The following MYB variants were observed in gnomAD, a reference collection of about 807,000 sequenced individuals.
The protein encoded by MYB is MYB proto-oncogene, transcription factor.
A neutral mutation model predicts 92.9 loss-of-function variants in MYB; 28 were observed. That is an observed-to-expected ratio of 0.30 (90% CI 0.22 to 0.41). The LOEUF is 0.41. Ranked by LOEUF, MYB falls within the 10% of genes least tolerant of loss-of-function variation. The pLI is 1.00. For synonymous variants in MYB, 295 were observed against 329.1 expected, an observed-to-expected ratio of 0.90 and a Z score of 1.12; for missense variants, 679 against 929.3, an observed-to-expected ratio of 0.73 and a Z score of 3.50.
chr6:135,197,567 G>A (rs978106055), intron 10 of MYB, among the ~76,000 whole-genome samples: 1 of 152,144 alleles, frequency 6.6e-6, no homozygotes. Context: ...AAAGATAGTT[G>A]CATGAAACGT....
chr6:135,218,070 G>A lies in MYB; in HGVS notation c.*90G>A. 1 of 1,003,190 alleles carries A rather than the reference G, an allele frequency of 1.0e-6. No individual in the cohort carries two copies. The highest frequency in any genetic ancestry group is 1.6e-6 in the Non-Finnish European group (1 of 632,802). 62.1% of individuals were successfully genotyped at this position (1,003,190 alleles called of 1,614,324 possible). A position where few individuals can be genotyped will look rare whatever the true frequency, so the allele number is the denominator to read the frequency against. On this transcript the variant is annotated 3_prime_UTR_variant, in exon 16 of 16. Transcript: ENST00000341911. The stretch of plus-strand genomic sequence containing the variant: ...TCAACATGAAACTTTTCATGAATGG[G>A]AGAAGAACCTATTTTTGTTGTGGTA...
Position 135,200,130 on chromosome 6 carries a change from A to G in MYB, c.1755A>G (p.Pro585=), listed in dbSNP as rs1189472738. 2 of 1,614,170 alleles carry G rather than the reference A, an allele frequency of 1.2e-6. No homozygotes were observed. Among genetic ancestry groups the G allele is most frequent in the Non-Finnish European group, 1.7e-6 (2 of 1,180,022 alleles). ...AAAGGTCAATCTTAGAAAGCTCTCC[A>G]AGAACTCCTACACCATTCAAACATG... ...AIKRSILESS[P]RTPTPFKHAL... is the part of the protein sequence containing the mutation. Residue 585 remains proline, a synonymous_variant, in exon 12 of 16, where the codon CCA becomes CCG. Transcript: ENST00000341911.
intron 15 of MYB, among the ~76,000 whole-genome samples, chr6:135,205,801 G>A (rs979616128): frequency 6.6e-6 from 1 of 152,206 alleles, no homozygotes; most frequent in African/African-American, 2.4e-5. Flanking sequence ...CAGGCTCAGT[G>A]GCTCATGCCT....
At chr6:135,197,874 T>G (rs998277503) in intron 10 of MYB, among the ~76,000 whole-genome samples, 43 of 152,346 alleles carry the variant, frequency 2.8e-4, no homozygotes, top group African/African-American at 9.9e-4. Flanking sequence ...AATTTCAGTT[T>G]CTCAACATTG....
At chr6:135,192,225 C>A in intron 5 of MYB, 99 bp from the exon 6 acceptor site, 1 of 959,304 alleles carries the variant, frequency 1.0e-6, no homozygotes, top group East Asian at 2.5e-5. Flanking sequence ...CTAATAGGCC[C>A]AAGGGAAAGG....
Position 135,181,570 on chromosome 6 carries a change from G to T in MYB, c.23+34G>T. The T allele has an allele frequency of 6.2e-6, 7 of 1,121,742 alleles. No individual in the cohort carries two copies. The allele number at this position is 1,121,742 out of a possible 1,614,324, so 69.5% of individuals were successfully genotyped here. A position where few individuals can be genotyped will look rare whatever the true frequency, so the allele number is the denominator to read the frequency against. The stretch of plus-strand genomic sequence containing the variant: ...GAGCCGGGCGGGCGGCCGAGGGCGG[G>T]GGCGCGCGGGGGCGCGCGGGGCGCC... On this transcript the variant is annotated intron_variant, in intron 1 of 15. Transcript: ENST00000341911. This position sits in a 1 kb window ranked among gnomAD's most constrained non-coding sequence, Gnocchi z 5.3.
intron 10 of MYB, among the ~76,000 whole-genome samples, chr6:135,198,646 T>A (rs939050646): frequency 6.6e-6 from 1 of 152,230 alleles, no homozygotes; most frequent in African/African-American, 2.4e-5. Context: ...ACAAGTGTCA[T>A]TTATTGAGAG....
chr6:135,207,064 A>G (rs1236984840), intron 15 of MYB, among the ~76,000 whole-genome samples: 1 of 152,200 alleles, frequency 6.6e-6, no homozygotes, highest in Non-Finnish European at 1.5e-5. Context: ...GCTATTTCAT[A>G]TATTTCTATT....
chr6:135,207,206 T>C (rs959533484), intron 15 of MYB, among the ~76,000 whole-genome samples: 14 of 152,236 alleles, frequency 9.2e-5, no homozygotes, highest in Admixed American at 7.8e-4. Flanking sequence ...AATTTGTACT[T>C]ATAATAAATC....
At chr6:135,186,535 A>G (rs989015263) in intron 2 of MYB, among the ~76,000 whole-genome samples, 1 of 152,358 alleles carries the variant, frequency 6.6e-6, no homozygotes, top group Non-Finnish European at 1.5e-5. Context: ...TAGGATATTA[A>G]TAAATGTTCT....
At chr6:135,209,926 T>A (rs1779482339) in intron 15 of MYB, among the ~76,000 whole-genome samples, 1 of 152,180 alleles carries the variant, frequency 6.6e-6, no homozygotes, top group Admixed American at 6.5e-5. Context: ...TATAAAATGG[T>A]CACAAATGAG....
intron 6 of MYB, among the ~76,000 whole-genome samples, chr6:135,193,265 T>C (rs1212555481): frequency 6.6e-6 from 1 of 152,152 alleles, no homozygotes; most frequent in Non-Finnish European, 1.5e-5. Context: ...ATCTTAAGAA[T>C]AACAATATTA....
At chr6:135,212,781 A>G (rs1779924665) in intron 15 of MYB, among the ~76,000 whole-genome samples, 1 of 152,228 alleles carries the variant, frequency 6.6e-6, no homozygotes, top group Admixed American at 6.5e-5. Context: ...AAATGAAACT[A>G]AAGTTTAGGG....
In MYB at chr6:135,218,061, C is replaced by A; in HGVS notation, c.*81C>A. 1 of 1,117,812 alleles carries A rather than the reference C, an allele frequency of 8.9e-7. No individual in the cohort carries two copies. Among genetic ancestry groups the A allele is most frequent in the Non-Finnish European group, 1.4e-6 (1 of 733,668 alleles). The allele number at this position is 1,117,812 out of a possible 1,614,324, so 69.2% of individuals were successfully genotyped here. A position where few individuals can be genotyped will look rare whatever the true frequency, so the allele number is the denominator to read the frequency against. On this transcript the variant is annotated 3_prime_UTR_variant, in exon 16 of 16. Transcript: ENST00000341911. ...TATCATTCCTCAACATGAAACTTTT[C>A]ATGAATGGGAGAAGAACCTATTTTT... is the stretch of plus-strand genomic sequence containing the variant.
At chr6:135,199,330 T>C (rs1777750250) in intron 11 of MYB, among the ~76,000 whole-genome samples, 2 of 152,206 alleles carry the variant, frequency 1.3e-5, no homozygotes, top group South Asian at 4.1e-4. Context: ...ATTCGGTTTG[T>C]TTGTTCCCTC....
At chr6:135,205,594 A>G (rs1436409260) in intron 15 of MYB, among the ~76,000 whole-genome samples, 1 of 152,212 alleles carries the variant, frequency 6.6e-6, no homozygotes, top group African/African-American at 2.4e-5. Flanking sequence ...TCTATCAGTG[A>G]GTCATATTGG....
At chr6:135,216,745 T>C (rs572004391) in intron 15 of MYB, among the ~76,000 whole-genome samples, 1 of 152,342 alleles carries the variant, frequency 6.6e-6, no homozygotes, top group African/African-American at 2.4e-5. Context: ...TCTGTTGTCT[T>C]GTATTTCTTT....
At position 135,190,328 on chromosome 6, in the gene MYB, G is replaced by T. The variant is rs778119027; in HGVS notation, c.508G>T (p.Ala170Ser). The T allele has an allele frequency of 3.1e-6, 5 of 1,613,884 alleles. No individual in the cohort carries two copies. The highest frequency in any genetic ancestry group is 1.3e-5 in the African/African-American group (1 of 75,056). The change falls in exon 5 of 16, where the codon GCA becomes TCA. Residue 170 changes from alanine to serine, a missense_variant. Transcript: ENST00000341911. The surrounding 1 kb of genome is among the most constrained non-coding windows in gnomAD (Gnocchi z 4.5). ...ACTGGGGAACAGATGGGCAGAAATC[G>T]CAAAGCTACTGCCTGGACGGTAATA... ...KRLGNRWAEIAKLLPGRTDNA... is the reference protein window; with the variant it reads ...KRLGNRWAEISKLLPGRTDNA...
chr6:135,206,539 T>C (rs1483875771), intron 15 of MYB, among the ~76,000 whole-genome samples: 1 of 150,246 alleles, frequency 6.7e-6, no homozygotes, highest in Non-Finnish European at 1.5e-5. Flanking sequence ...TTACTAAAAA[T>C]ACAAAAAATA....
Sources: allele counts gnomAD v4.1 joint callset (sites outside exome capture counted in the v4.1 genomes callset), GRCh38; gene constraint gnomAD v4.1.1; non-coding constraint Gnocchi (gnomAD v3.1); transcripts MANE v1.5; gene names NCBI Gene and HGNC (gene_info 2026-07-23, HGNC 2026-07-21).